Variants in INO80 observed in about 807,000 individuals in gnomAD.
INO80 encodes chromatin-remodeling ATPase INO80.
Under a neutral mutation model 203.4 loss-of-function variants are expected in INO80, and 20 were observed. That is an observed-to-expected ratio of 0.10 (90% CI 0.07 to 0.14). The LOEUF (loss-of-function observed/expected upper bound fraction) is 0.14, where lower values mean the gene tolerates loss of function less well. Ranked by LOEUF, INO80 falls within the 10% of genes least tolerant of loss-of-function variation. The pLI is 1.00. For missense variants in INO80, 1,419 were observed against 1,914.4 expected (o/e 0.74, Z 4.83); for synonymous variants, 726 against 685.2 (o/e 1.06, Z -0.93).
chr15:41,023,768 C>CAAAAAAAAAAAAAAAAAAA (rs139814568), intron 25 of INO80, among the ~76,000 whole-genome samples: 3 of 63,512 alleles, frequency 4.7e-5, no homozygotes, highest in African/African-American at 8.1e-5. Flanking sequence ...GACTCTGTCT[C>CAAAAAAAAAAAAAAAAAAA]AAAAAAAAAA....
At chr15:41,079,989 A>C in intron 8 of INO80, 85 bp from the exon 9 acceptor site, 1 of 1,155,904 alleles carries the variant, frequency 8.7e-7, no homozygotes, top group Non-Finnish European at 1.3e-6. Flanking sequence ...TCATTCCTCA[A>C]TCTGTTCAGC....
chr15:40,989,374 AAAAC>A (rs1212008843), intron 29 of INO80, among the ~76,000 whole-genome samples: 2 of 152,230 alleles, frequency 1.3e-5, no homozygotes, highest in Non-Finnish European at 1.5e-5. Context: ...GAGTGATCCT[AAAAC>A]AAACTCCTCA....
At chr15:41,027,545 T>C in intron 25 of INO80, 51 bp downstream of exon 25, 1 of 1,486,758 alleles carries the variant, frequency 6.7e-7, no homozygotes. Flanking sequence ...AAAAATTGGT[T>C]TATTTCTCCT....
intron 28 of INO80, among the ~76,000 whole-genome samples, chr15:41,003,539 G>C (rs904467832): frequency 1.3e-5 from 2 of 151,540 alleles, no homozygotes; most frequent in African/African-American, 2.4e-5. Context: ...CATGTTGGCT[G>C]GGCTGGTCTC....
At chr15:41,112,917 T>TTTG (rs924428372) in intron 1 of INO80, among the ~76,000 whole-genome samples, 11 of 151,958 alleles carry the variant, frequency 7.2e-5, no homozygotes, top group South Asian at 2.1e-4. Context: ...TCATGTGTAT[T>TTTG]TTGTTGTTGT....
At chr15:41,036,946 T>C (rs145094933) in intron 24 of INO80, among the ~76,000 whole-genome samples, 8 of 152,012 alleles carry the variant, frequency 5.3e-5, no homozygotes, top group African/African-American at 1.7e-4. Flanking sequence ...CTACTAAAAA[T>C]ACGAAAATTA....
At chr15:41,083,133 A>G (rs2045509344) in intron 7 of INO80, among the ~76,000 whole-genome samples, 1 of 151,788 alleles carries the variant, frequency 6.6e-6, no homozygotes, top group Non-Finnish European at 1.5e-5. Context: ...ATACAAAAAA[A>G]AATTAGCCAG....
chr15:41,112,696 G>A (rs1177344850), intron 1 of INO80, among the ~76,000 whole-genome samples: 1 of 138,388 alleles, frequency 7.2e-6, no homozygotes, highest in African/African-American at 2.6e-5. Context: ...AATGAAGCAG[G>A]AGAATTTCTT....
Position 41,086,710 on chromosome 15 carries a change from G to T in INO80, c.658+852C>A, listed in dbSNP as rs554210120. ...GAATAAAATTTGCCTCACAAAGATA[G>T]TTTAAAACTTTCTCTTTCAGTTTCC... On this transcript the variant is annotated intron_variant, in intron 6 of 35. Coordinates refer to ENST00000648947, the MANE Select transcript of INO80 (RefSeq NM_017553.3). Among the ~76,000 whole-genome samples the T allele has an allele frequency of 3.2e-4, 48 of 151,576 alleles. 1 individual carries two copies. The Middle Eastern group carries it at 0.017, about 54-fold the overall frequency.
chr15:41,015,800 A>T (rs1273547647), intron 27 of INO80, among the ~76,000 whole-genome samples: 1 of 141,452 alleles, frequency 7.1e-6, no homozygotes, highest in Non-Finnish European at 1.5e-5. Context: ...AAAAAAAAAG[A>T]GCTGAGTGTG....
At chr15:41,059,750 G>T in intron 15 of INO80, 117 bp downstream of exon 15, 1 of 626,556 alleles carries the variant, frequency 1.6e-6, no homozygotes, top group Non-Finnish European at 2.7e-6. Flanking sequence ...CTTGATCAGT[G>T]TCCAGAAATA....
At chr15:41,022,469 G>A (rs1397690922) in intron 25 of INO80, among the ~76,000 whole-genome samples, 1 of 150,964 alleles carries the variant, frequency 6.6e-6, no homozygotes, top group African/African-American at 2.4e-5. Context: ...CTGAGGGAGG[G>A]GCCAATAGAC....
chr15:40,988,034 C>T, intron 29 of INO80, 60 bp from the exon 30 acceptor site: 1 of 1,444,198 alleles, frequency 6.9e-7, no homozygotes, highest in South Asian at 1.3e-5. Flanking sequence ...ATTCTGAGAG[C>T]AACCCAGCCA....
intron 1 of INO80, among the ~76,000 whole-genome samples, chr15:41,103,095 T>C (rs2045832873): frequency 6.6e-6 from 1 of 152,160 alleles, no homozygotes; most frequent in South Asian, 2.1e-4. Flanking sequence ...CAGCAGCTAG[T>C]TCATCTGTCT....
intron 25 of INO80, among the ~76,000 whole-genome samples, chr15:41,025,914 CT>C (rs920762698): frequency 6.6e-6 from 1 of 152,198 alleles, no homozygotes; most frequent in Non-Finnish European, 1.5e-5. Flanking sequence ...AAGCTCTTGG[CT>C]TTAAATGCTT....
Position 40,979,928 on chromosome 15 carries a change from T to G in INO80, c.*295A>C. 3.2e-5 allele frequency: 13 copies of G among 404,420 alleles called. No individual in the cohort carries two copies. The highest frequency in any genetic ancestry group is 6.0e-5 in the South Asian group (2 of 33,250). The allele number at this position is 404,420 out of a possible 1,614,324, so 25.1% of individuals were successfully genotyped here. Reference sequence around the variant, plus strand: ...AGTATGCCTGAGCATCTAAAGGGGGTCTGTGTCAGGCTTGCCCCGTGAGAG... The same window carrying G: ...AGTATGCCTGAGCATCTAAAGGGGGGCTGTGTCAGGCTTGCCCCGTGAGAG... On this transcript the variant is annotated 3_prime_UTR_variant, in exon 36 of 36. Transcript: ENST00000648947.
In INO80 at chr15:41,090,976, G is replaced by A. The variant is rs189705130; in HGVS notation, c.537+1051C>T. 2.5e-3 allele frequency among the ~76,000 whole-genome samples: 373 copies of A among 147,184 alleles called. 2 individuals carry two copies. The highest frequency in any genetic ancestry group is 8.9e-3 in the African/African-American group (349 of 39,020). ...GTCTTGCTCTGTCACCCAGGCAAGA[G>A]TGCAGTGGCTCAATCTCGGCTCACT... is the stretch of plus-strand genomic sequence containing the variant. On this transcript the variant is annotated intron_variant, in intron 5 of 35. Coordinates refer to ENST00000648947, the MANE Select transcript of INO80 (RefSeq NM_017553.3).
At chr15:41,082,993 C>A (rs1375780602) in intron 7 of INO80, among the ~76,000 whole-genome samples, 1 of 152,050 alleles carries the variant, frequency 6.6e-6, no homozygotes, top group African/African-American at 2.4e-5. Context: ...CAAGAATGCT[C>A]AAGCACAGGC....
intron 27 of INO80, among the ~76,000 whole-genome samples, chr15:41,007,058 C>T (rs1328717027): frequency 6.6e-6 from 1 of 151,670 alleles, no homozygotes; most frequent in Non-Finnish European, 1.5e-5. Flanking sequence ...AATCACAGAA[C>T]GTTGCAATCA....
Sources: allele counts gnomAD v4.1 joint callset (sites outside exome capture counted in the v4.1 genomes callset), GRCh38; gene constraint gnomAD v4.1.1; transcripts MANE v1.5; gene names NCBI Gene and HGNC (gene_info 2026-07-23, HGNC 2026-07-21).